The following IGF2 variants were observed in gnomAD, a reference collection of about 807,000 sequenced individuals.
IGF2 encodes insulin like growth factor 2.
A neutral mutation model predicts 12.0 loss-of-function variants in IGF2; 2 were observed. That is an observed-to-expected ratio of 0.17 (90% CI 0.07 to 0.52). The LOEUF is 0.52. Among genes scored for constraint, IGF2 ranks in the 20% least tolerant of loss-of-function variants. The pLI, the probability that IGF2 is intolerant of heterozygous loss-of-function variation, is 0.95. For missense variants in IGF2, 211 were observed against 268.0 expected (o/e 0.79, Z 1.48); for synonymous variants, 105 against 110.1 (o/e 0.95, Z 0.29).
chr11:2,133,310 G>A lies in IGF2; in HGVS notation c.307-87C>T, dbSNP rs531025019. On this transcript the variant is annotated intron_variant, in intron 3 of 3. Transcript: ENST00000416167. This position sits in a 1 kb window ranked among gnomAD's most constrained non-coding sequence, Gnocchi z 8.9. The stretch of plus-strand genomic sequence containing the variant: ...CCGCCTGACCTGACAGGCCACCCCT[G>A]TGACTGATCAGTGACTTGAGCTAAT... 10 of 1,080,076 alleles carry A rather than the reference G, an allele frequency of 9.3e-6. No homozygotes were observed. Among genetic ancestry groups the A allele is most frequent in the Admixed American group, 5.5e-5 (2 of 36,310 alleles). 66.9% of individuals were successfully genotyped at this position (1,080,076 alleles called of 1,614,324 possible). A position where few individuals can be genotyped will look rare whatever the true frequency, so the allele number is the denominator to read the frequency against.
intron 2 of IGF2, among the ~76,000 whole-genome samples, chr11:2,134,422 G>A (rs1858845467): frequency 6.6e-6 from 1 of 152,234 alleles, no homozygotes; most frequent in Non-Finnish European, 1.5e-5. Context: ...GCCCTGCAGT[G>A]CCACTTCCTA....
At chr11:2,140,752 G>A (rs1859525639), upstream of IGF2, 2 of 335,004 alleles carry the variant, frequency 6.0e-6, no homozygotes, top group South Asian at 2.2e-5. Flanking sequence ...CCTCCCCGGC[G>A]GCAGCCGGAG....
the IGF2 span, chr11:2,147,609 G>C: frequency 1.6e-6 from 2 of 1,238,092 alleles, no homozygotes; most frequent in Non-Finnish European, 2.0e-6. This position sits in a 1 kb window ranked among gnomAD's most constrained non-coding sequence, Gnocchi z 7.2. Context: ...CTGGCTGCCA[G>C]CCTCAGTTCT....
chr11:2,147,027 A>G, the IGF2 span: 3 of 152,926 alleles, frequency 2.0e-5, no homozygotes, highest in African/African-American at 7.2e-5. This position sits in a 1 kb window ranked among gnomAD's most constrained non-coding sequence, Gnocchi z 7.2. Flanking sequence ...TTATTACCTC[A>G]ATTCTGAACA....
Position 2,133,408 on chromosome 11 carries a change from C to A in IGF2, c.306+109G>T. 1.6e-6 allele frequency: 2 copies of A among 1,281,992 alleles called. No individual in the cohort carries two copies. Among genetic ancestry groups the A allele is most frequent in the Non-Finnish European group, 2.1e-6 (2 of 939,584 alleles). 79.4% of individuals were successfully genotyped at this position (1,281,992 alleles called of 1,614,324 possible). A position where few individuals can be genotyped will look rare whatever the true frequency, so the allele number is the denominator to read the frequency against. On this transcript the variant is annotated intron_variant, in intron 3 of 3. Coordinates refer to ENST00000416167, the MANE Select transcript of IGF2 (RefSeq NM_000612.6). The surrounding 1 kb of genome is among the most constrained non-coding windows in gnomAD (Gnocchi z 8.9). ...GGCCACACAGCAAGCAAGGAAGTCA[C>A]GGGTCCTTGTCCCTGGCCAAGAGGT...
In IGF2 at chr11:2,138,384, T is replaced by A. The variant is rs1184387206; in HGVS notation, c.-162A>T. 3.8e-6 allele frequency: 2 copies of A among 529,262 alleles called. No individual in the cohort carries two copies. Among genetic ancestry groups the A allele is most frequent in the Non-Finnish European group, 2.3e-6 (1 of 427,186 alleles). 32.8% of individuals were successfully genotyped at this position (529,262 alleles called of 1,614,324 possible). ...CGGGGCAGAGCGGGGGGATGGCTTT[T>A]TTTTGGGGGGGGGGGGAGAATTCGT... On this transcript the variant is annotated 5_prime_UTR_variant, in exon 1 of 4. Transcript: ENST00000416167.
chr11:2,141,149 C>T (rs1195355270), upstream of IGF2: 5 of 182,580 alleles, frequency 2.7e-5, no homozygotes, highest in African/African-American at 1.2e-4. Flanking sequence ...AGAGAAATTT[C>T]CCAAATCCGA....
At chr11:2,144,412 C>T (rs1859789378), upstream of IGF2, among the ~76,000 whole-genome samples, 1 of 152,202 alleles carries the variant, frequency 6.6e-6, no homozygotes, top group Non-Finnish European at 1.5e-5. Flanking sequence ...CGGCCTGCCC[C>T]GGAGCTTTGC....
At position 2,129,457 on chromosome 11, in the gene IGF2, C is replaced by CG. The variant is rs1858384954; in HGVS notation, c.*3529dup. ...CAGGGGAGAGCTGCAAACCTGGGGA[C>CG]GCAAGGGGCTGGTCGGCAAGTGCCC... On this transcript the variant is annotated 3_prime_UTR_variant, in exon 4 of 4. Transcript: ENST00000416167. The surrounding 1 kb of genome is among the most constrained non-coding windows in gnomAD (Gnocchi z 8.1). 8.7e-6 allele frequency: 2 copies of CG among 229,500 alleles called. No homozygotes were observed. The highest frequency in any genetic ancestry group is 1.7e-5 in the Non-Finnish European group (2 of 115,722). 14.2% of individuals were successfully genotyped at this position (229,500 alleles called of 1,614,324 possible).
At position 2,130,352 on chromosome 11, in the gene IGF2, C is replaced by T. The variant is rs1326856185; in HGVS notation, c.*2635G>A. On this transcript the variant is annotated 3_prime_UTR_variant, in exon 4 of 4. Transcript: ENST00000416167. ...CCTTCTCCACTCCCCTCTGACTTCT[C>T]CAAGGGGGCTCAGTGGCCAGTGCCC... 2.2e-5 allele frequency: 5 copies of T among 228,648 alleles called. No individual in the cohort carries two copies. In the East Asian group the frequency reaches 3.1e-4, roughly 14 times the overall value. 14.2% of individuals were successfully genotyped at this position (228,648 alleles called of 1,614,324 possible).
rs1034807054 is a variant in IGF2, at chr11:2,131,217, G to T, written c.*1770C>A. On this transcript the variant is annotated 3_prime_UTR_variant, in exon 4 of 4. Coordinates refer to ENST00000416167, the MANE Select transcript of IGF2 (RefSeq NM_000612.6). ...ACCCTACGGGTGTATCCCAAATGCC[G>T]CCGGCCGCACACTCAGGCCGCACCA... 1 of 233,062 alleles carries T rather than the reference G, an allele frequency of 4.3e-6. No homozygotes were observed. The highest frequency in any genetic ancestry group is 1.8e-4 in the South Asian group (1 of 5,534). 14.4% of individuals were successfully genotyped at this position (233,062 alleles called of 1,614,324 possible). A position where few individuals can be genotyped will look rare whatever the true frequency, so the allele number is the denominator to read the frequency against.
intron 2 of IGF2, chr11:2,134,038 G>A (rs1280549343): frequency 9.6e-6 from 4 of 417,228 alleles, no homozygotes; most frequent in South Asian, 4.3e-5. Flanking sequence ...AGGAGGGACT[G>A]CTGTCCCTGA....
At position 2,138,569 on chromosome 11, in the gene IGF2, G is replaced by A. The variant is rs1227816155; in HGVS notation, c.-347C>T. On this transcript the variant is annotated 5_prime_UTR_variant, in exon 1 of 4. Transcript: ENST00000416167. ...GACAGAGTGAACGTGAAAGGGGGGG[G>A]CCGAAGAGAGGGCGAGGGGGAGAGA... 2.6e-5 allele frequency: 13 copies of A among 493,672 alleles called. No homozygotes were observed. The highest frequency in any genetic ancestry group is 3.3e-5 in the Non-Finnish European group (13 of 398,740). 30.6% of individuals were successfully genotyped at this position (493,672 alleles called of 1,614,324 possible).
chr11:2,131,656 TGTGTGC>T lies in IGF2; in HGVS notation c.*1325_*1330del, dbSNP rs898047359. On this transcript the variant is annotated 3_prime_UTR_variant, in exon 4 of 4. Transcript: ENST00000416167. ...GTGTGCTGTGTTCATGTGTGTGCTG[TGTGTGC>T]GTGTGCTGTGTGCATGTGTGTGCTG... 4.7e-5 allele frequency: 10 copies of T among 211,246 alleles called. No individual in the cohort carries two copies. The highest frequency in any genetic ancestry group is 2.0e-4 in the African/African-American group (8 of 40,160). 13.1% of individuals were successfully genotyped at this position (211,246 alleles called of 1,614,324 possible). A position where few individuals can be genotyped will look rare whatever the true frequency, so the allele number is the denominator to read the frequency against.
intron 2 of IGF2, 88 bp downstream of exon 2, chr11:2,135,279 G>A (rs1454628173): frequency 8.1e-7 from 1 of 1,237,254 alleles, no homozygotes; most frequent in Non-Finnish European, 1.1e-6. Context: ...TGACCTAGGA[G>A]TGTGCTCCCC....
In IGF2 at chr11:2,129,811, GT is replaced by G. The variant is rs1416458075; in HGVS notation, c.*3175del. 1 of 232,244 alleles carries G rather than the reference GT, an allele frequency of 4.3e-6. No homozygotes were observed. Among genetic ancestry groups the G allele is most frequent in the Non-Finnish European group, 8.5e-6 (1 of 117,546 alleles). The allele number at this position is 232,244 out of a possible 1,614,324, so 14.4% of individuals were successfully genotyped here. On this transcript the variant is annotated 3_prime_UTR_variant, in exon 4 of 4. Transcript: ENST00000416167. The surrounding 1 kb of genome is among the most constrained non-coding windows in gnomAD (Gnocchi z 8.1). The stretch of plus-strand genomic sequence containing the variant: ...CAGGGGGGCTGAGCTGGGGGCACAA[GT>G]GGGGGCGAGGTAAACCTCCCAGAGG...
In IGF2 at chr11:2,132,875, C is replaced by A. The variant is rs1858706563; in HGVS notation, c.*112G>T. On this transcript the variant is annotated 3_prime_UTR_variant, in exon 4 of 4. Transcript: ENST00000416167. ...ACGGGGACTGGGTCAGGAGAAGCCCCAGGGGGACGTGGAACCGAGAGATTT... is the reference window on the plus strand; with the variant it reads ...ACGGGGACTGGGTCAGGAGAAGCCCAAGGGGGACGTGGAACCGAGAGATTT... The A allele has an allele frequency of 1.3e-6, 1 of 764,390 alleles. No individual in the cohort carries two copies. The highest frequency in any genetic ancestry group is 2.7e-5 in the East Asian group (1 of 37,102). 47.4% of individuals were successfully genotyped at this position (764,390 alleles called of 1,614,324 possible).
chr11:2,134,906 G>A (rs997180058), intron 2 of IGF2, among the ~76,000 whole-genome samples: 1 of 152,238 alleles, frequency 6.6e-6, no homozygotes, highest in Non-Finnish European at 1.5e-5. Flanking sequence ...AACTGCACTT[G>A]TCTTATTGAT....
At chr11:2,137,318 T>C in intron 1 of IGF2, 1 of 952,510 alleles carries the variant, frequency 1.0e-6, no homozygotes, top group Non-Finnish European at 1.3e-6. Context: ...AGCTTTTATG[T>C]GTGAGCCGAC....
Sources: allele counts gnomAD v4.1 joint callset (sites outside exome capture counted in the v4.1 genomes callset), GRCh38; gene constraint gnomAD v4.1.1; non-coding constraint Gnocchi (gnomAD v3.1); transcripts MANE v1.5; gene names NCBI Gene and HGNC (gene_info 2026-07-23, HGNC 2026-07-21).